The following CCDC73 variants were observed in gnomAD, a reference collection of about 807,000 sequenced individuals.
The protein encoded by CCDC73 is coiled-coil domain-containing protein 73.
Under a neutral mutation model 116.5 loss-of-function variants are expected in CCDC73, and 95 were observed. The observed-to-expected ratio is 0.82, with a 90% confidence interval of 0.69 to 0.97. CCDC73 has a LOEUF of 0.97. Among genes scored for constraint, CCDC73 ranks in the 50% least tolerant of loss-of-function variants. The pLI is 0.00. For missense variants in CCDC73, 1,066 were observed against 1,206.8 expected, an observed-to-expected ratio of 0.88 and a Z score of 1.73; for synonymous variants, 398 against 401.3, an observed-to-expected ratio of 0.99 and a Z score of 0.10.
At chr11:32,768,466 T>C (rs1850463571) in intron 1 of CCDC73, among the ~76,000 whole-genome samples, 1 of 151,858 alleles carries the variant, frequency 6.6e-6, no homozygotes, top group Non-Finnish European at 1.5e-5. Context: ...GAACCTAAAG[T>C]ATAGTAATAA....
chr11:32,718,413 G>A (rs1323484406), intron 2 of CCDC73, among the ~76,000 whole-genome samples: 1 of 152,134 alleles, frequency 6.6e-6, no homozygotes, highest in Non-Finnish European at 1.5e-5. Flanking sequence ...ACTGAGGACT[G>A]GTAAGAAGCT....
intron 2 of CCDC73, among the ~76,000 whole-genome samples, chr11:32,737,271 G>GTA (rs1224277923): frequency 1.8e-4 from 23 of 129,146 alleles, no homozygotes; most frequent in South Asian, 4.9e-4. Context: ...GTGTGTGTGT[G>GTA]TGTATATACA....
intron 2 of CCDC73, among the ~76,000 whole-genome samples, chr11:32,727,440 A>G (rs1000875921): frequency 6.6e-6 from 1 of 152,252 alleles, no homozygotes; most frequent in Admixed American, 6.5e-5. Flanking sequence ...AATTTTGAAC[A>G]AGACATAAAA....
intron 1 of CCDC73, among the ~76,000 whole-genome samples, chr11:32,775,624 T>C (rs1850527021): frequency 6.6e-6 from 1 of 152,166 alleles, no homozygotes; most frequent in Non-Finnish European, 1.5e-5. Context: ...TAAATAAATA[T>C]TAGTTGAATA....
chr11:32,707,013 T>C (rs1208565643), intron 3 of CCDC73, among the ~76,000 whole-genome samples: 1 of 152,140 alleles, frequency 6.6e-6, no homozygotes, highest in East Asian at 1.9e-4. Flanking sequence ...AAGATCTCCA[T>C]GAAGTAGCAC....
intron 3 of CCDC73, among the ~76,000 whole-genome samples, chr11:32,714,219 A>C (rs1038159244): frequency 8.6e-5 from 13 of 151,978 alleles, no homozygotes; most frequent in Non-Finnish European, 1.5e-5. Context: ...ACACTCTTAA[A>C]CTTCCATGAC....
chr11:32,698,260 G>A (rs1197781639), intron 6 of CCDC73, among the ~76,000 whole-genome samples: 3 of 151,832 alleles, frequency 2.0e-5, no homozygotes, highest in African/African-American at 7.3e-5. Flanking sequence ...TCCTGACCTC[G>A]TGATCCACCC....
chr11:32,746,857 A>G (rs1394141035), intron 2 of CCDC73, among the ~76,000 whole-genome samples: 2 of 152,062 alleles, frequency 1.3e-5, no homozygotes, highest in Admixed American at 1.3e-4. Context: ...GCTTCCTTGC[A>G]ATGGGTCAGA....
At chr11:32,617,613 T>C (rs1855485807) in intron 14 of CCDC73, among the ~76,000 whole-genome samples, 1 of 152,210 alleles carries the variant, frequency 6.6e-6, no homozygotes, top group South Asian at 2.1e-4. Flanking sequence ...CCATTGGTGA[T>C]GTATGGAACT....
intron 1 of CCDC73, among the ~76,000 whole-genome samples, chr11:32,780,341 T>A (rs899291459): frequency 1.3e-5 from 2 of 151,844 alleles, no homozygotes; most frequent in Non-Finnish European, 2.9e-5. Context: ...CGAAGTTTTT[T>A]AAAAATAAGA....
chr11:32,603,772 TTC>T (rs1196731364), intron 17 of CCDC73: 3 of 152,224 alleles, frequency 2.0e-5, no homozygotes, highest in African/African-American at 7.2e-5. Flanking sequence ...AGATAAAATT[TTC>T]TCTTCAAAAG....
intron 13 of CCDC73, 54 bp from the exon 14 acceptor site, chr11:32,635,884 T>G (rs1855673240): frequency 2.0e-6 from 2 of 996,094 alleles, no homozygotes; most frequent in Non-Finnish European, 2.6e-6. Flanking sequence ...ATAAATATGT[T>G]TTGTCTGAAA....
chr11:32,656,740 G>A (rs1855877299), intron 9 of CCDC73, among the ~76,000 whole-genome samples: 2 of 152,152 alleles, frequency 1.3e-5, no homozygotes, highest in African/African-American at 4.8e-5. Context: ...TCAAGTCCGA[G>A]ATAACCAATG....
chr11:32,771,160 G>A (rs761035783), intron 1 of CCDC73, among the ~76,000 whole-genome samples: 11 of 152,150 alleles, frequency 7.2e-5, no homozygotes, highest in Non-Finnish European at 1.3e-4. Context: ...TGTACTGGCA[G>A]CAGCACTGCC....
At chr11:32,734,343 CAA>C (rs1333342971) in intron 2 of CCDC73, among the ~76,000 whole-genome samples, 1 of 151,296 alleles carries the variant, frequency 6.6e-6, no homozygotes, top group Admixed American at 6.6e-5. Context: ...ACCAGAGGTA[CAA>C]AGAGGAGCTG....
chr11:32,755,693 G>A (rs1343585805), intron 2 of CCDC73, among the ~76,000 whole-genome samples: 1 of 43,174 alleles, frequency 2.3e-5, no homozygotes, highest in Admixed American at 3.4e-4. Flanking sequence ...CCATATATAT[G>A]TGTATATATA....
intron 6 of CCDC73, among the ~76,000 whole-genome samples, chr11:32,699,024 T>A (rs945027675): frequency 6.6e-6 from 1 of 151,874 alleles, no homozygotes; most frequent in Non-Finnish European, 1.5e-5. Flanking sequence ...TTTAACTATA[T>A]TAATAAGATA....
chr11:32,650,170 AAG>A (rs1286427895), intron 12 of CCDC73, among the ~76,000 whole-genome samples: 1 of 152,196 alleles, frequency 6.6e-6, no homozygotes, highest in East Asian at 1.9e-4. Context: ...GGGGCAAGTT[AAG>A]AGTTATGATC....
chr11:32,675,089 T>C (rs1328581632), intron 9 of CCDC73, among the ~76,000 whole-genome samples: 1 of 152,222 alleles, frequency 6.6e-6, no homozygotes, highest in Non-Finnish European at 1.5e-5. Context: ...TCATCACATC[T>C]TTCACTTTTT....
Sources: allele counts gnomAD v4.1 joint callset (sites outside exome capture counted in the v4.1 genomes callset), GRCh38; gene constraint gnomAD v4.1.1; transcripts MANE v1.5; gene names NCBI Gene and HGNC (gene_info 2026-07-23, HGNC 2026-07-21).